YAE1: variants seen among roughly 807,000 people sequenced by gnomAD.
YAE1 encodes the protein protein YAE1 homolog.
In YAE1, 22 loss-of-function variants were observed where a neutral mutation model predicts 23.0. That is an observed-to-expected ratio of 0.96 (90% CI 0.68 to 1.37). YAE1 has a LOEUF of 1.37. Ranked by LOEUF, YAE1 falls within the 40% of genes most tolerant of loss-of-function variation. The pLI, the probability that YAE1 is intolerant of heterozygous loss-of-function variation, is 0.00. For synonymous variants in YAE1, 101 were observed against 97.0 expected, an observed-to-expected ratio of 1.04 and a Z score of -0.24; for missense variants, 260 against 262.1, an observed-to-expected ratio of 0.99 and a Z score of 0.06.
intron 1 of YAE1, 81 bp downstream of exon 1, chr7:39,566,628 C>A (rs1375970215): frequency 9.6e-6 from 15 of 1,566,502 alleles, no homozygotes; most frequent in Non-Finnish European, 1.3e-5. Flanking sequence ...CCAGAGTGGC[C>A]CCAGCCTGGC....
At chr7:39,591,897 CT>C (rs1453796822) in intron 2 of YAE1, among the ~76,000 whole-genome samples, 4 of 152,144 alleles carry the variant, frequency 2.6e-5, no homozygotes, top group African/African-American at 9.7e-5. Flanking sequence ...GTATTTTTGC[CT>C]TTTCCGGAAT....
At chr7:39,601,577 T>C (rs1426565962) in intron 2 of YAE1, among the ~76,000 whole-genome samples, 1 of 152,002 alleles carries the variant, frequency 6.6e-6, no homozygotes, top group Non-Finnish European at 1.5e-5. Context: ...TTGGCCAACA[T>C]GGTGAAACCC....
chr7:39,566,630 C>T, intron 1 of YAE1, 83 bp downstream of exon 1: 1 of 1,567,094 alleles, frequency 6.4e-7, no homozygotes, highest in Non-Finnish European at 8.7e-7. Context: ...AGAGTGGCCC[C>T]AGCCTGGCCC....
intron 2 of YAE1, among the ~76,000 whole-genome samples, chr7:39,596,191 CTTA>C (rs1449470711): frequency 5.4e-5 from 8 of 148,374 alleles, no homozygotes; most frequent in Non-Finnish European, 1.5e-5. Flanking sequence ...CTGTAAGTCA[CTTA>C]TTTTTTTTTC....
intron 2 of YAE1, among the ~76,000 whole-genome samples, chr7:39,587,008 T>TTTTCC (rs1790827859): frequency 7.7e-6 from 1 of 130,096 alleles, no homozygotes; most frequent in South Asian, 2.7e-4. Flanking sequence ...AGAGTCTTTC[T>TTTTCC]TTTCTTTTCT....
intron 2 of YAE1, among the ~76,000 whole-genome samples, chr7:39,581,355 T>C (rs1045730258): frequency 6.6e-6 from 1 of 152,216 alleles, no homozygotes; most frequent in African/African-American, 2.4e-5. Context: ...TTGCTTGTAA[T>C]AATGAAATAT....
At chr7:39,567,423 T>G (rs1790490292) in intron 1 of YAE1, among the ~76,000 whole-genome samples, 1 of 152,228 alleles carries the variant, frequency 6.6e-6, no homozygotes, top group South Asian at 2.1e-4. Context: ...TAGTTGAATT[T>G]AGGTATTATG....
At chr7:39,586,209 G>A (rs978393058) in intron 2 of YAE1, among the ~76,000 whole-genome samples, 1 of 141,202 alleles carries the variant, frequency 7.1e-6, no homozygotes, top group Non-Finnish European at 1.5e-5. Flanking sequence ...GTCTCATTCT[G>A]TCGCCCAGGC....
downstream of YAE1, among the ~76,000 whole-genome samples, chr7:39,574,482 T>A (rs1790623532): frequency 6.6e-6 from 1 of 151,814 alleles, no homozygotes; most frequent in African/African-American, 2.4e-5. Flanking sequence ...CCTGTAATCC[T>A]AACACTCTGG....
At chr7:39,570,655 C>T in intron 2 of YAE1, 28 bp downstream of exon 2, 1 of 1,572,800 alleles carries the variant, frequency 6.4e-7, no homozygotes, top group Non-Finnish European at 8.6e-7. Context: ...AATGCTGAAT[C>T]ATTTTAACCT....
intron 1 of YAE1, chr7:39,567,102 CTA>C (rs1478392131): frequency 6.6e-6 from 1 of 152,350 alleles, no homozygotes; most frequent in African/African-American, 2.4e-5. Flanking sequence ...ATTTGTCTCA[CTA>C]TTCATTGAAA....
chr7:39,579,124 G>T (rs1790704296), intron 2 of YAE1, among the ~76,000 whole-genome samples: 1 of 152,140 alleles, frequency 6.6e-6, no homozygotes, highest in African/African-American at 2.4e-5. Context: ...CTATATGTAG[G>T]CACTATATTC....
downstream of YAE1, among the ~76,000 whole-genome samples, chr7:39,576,725 A>G (rs1790661428): frequency 6.6e-6 from 1 of 151,886 alleles, no homozygotes; most frequent in African/African-American, 2.4e-5. Context: ...AAAATCCCTT[A>G]TTTAGTGTTA....
intron 2 of YAE1, among the ~76,000 whole-genome samples, chr7:39,592,740 T>C (rs1790918358): frequency 6.6e-6 from 1 of 151,988 alleles, no homozygotes; most frequent in Admixed American, 6.5e-5. Context: ...ATTGTTATCC[T>C]GTCTACAATG....
intron 2 of YAE1, among the ~76,000 whole-genome samples, chr7:39,599,674 A>G (rs946555917): frequency 2.0e-5 from 3 of 151,708 alleles, no homozygotes; most frequent in African/African-American, 4.8e-5. Context: ...ACCAGTAGAC[A>G]CTGGTGTTTT....
chr7:39,592,892 C>T (rs544005938), intron 2 of YAE1, among the ~76,000 whole-genome samples: 47 of 152,260 alleles, frequency 3.1e-4, no homozygotes, highest in African/African-American at 1.0e-3. Context: ...TTCGGAAACA[C>T]TTTGGCCATT....
chr7:39,568,515 C>T (rs1790512124), intron 1 of YAE1, among the ~76,000 whole-genome samples: 2 of 151,954 alleles, frequency 1.3e-5, no homozygotes, highest in Non-Finnish European at 2.9e-5. Context: ...TTTTAAAAGA[C>T]AATTTCAAGT....
chr7:39,601,972 G>A (rs1358981332), intron 2 of YAE1, among the ~76,000 whole-genome samples: 2 of 152,138 alleles, frequency 1.3e-5, no homozygotes, highest in Admixed American at 6.5e-5. Flanking sequence ...GTTATCTATA[G>A]AAGACAGTCA....
chr7:39,592,814 G>A (rs557423843), intron 2 of YAE1, among the ~76,000 whole-genome samples: 23 of 152,160 alleles, frequency 1.5e-4, no homozygotes, highest in African/African-American at 4.3e-4. Flanking sequence ...TCATTACAAC[G>A]TGCCTAGATG....
Sources: gnomAD v4.1 joint callset for allele counts (sites outside exome capture counted in the v4.1 genomes callset) on GRCh38, gnomAD v4.1.1 for gene constraint, MANE v1.5 for transcripts, NCBI Gene and HGNC (gene_info 2026-07-23, HGNC 2026-07-21) for gene names.